PLXDC2: variants seen among roughly 807,000 people sequenced by gnomAD.
PLXDC2 encodes plexin domain containing 2.
PLXDC2 carries 40 observed loss-of-function variants against 68.9 expected under a neutral mutation model. That is an observed-to-expected ratio of 0.58 (90% CI 0.45 to 0.76). PLXDC2 has a LOEUF of 0.76. Among genes scored for constraint, PLXDC2 ranks in the 30% least tolerant of loss-of-function variants. PLXDC2 has a pLI of 0.00. For missense variants in PLXDC2, 644 were observed against 661.9 expected (o/e 0.97, Z 0.30); for synonymous variants, 243 against 234.2 (o/e 1.04, Z -0.34).
Position 20,280,302 on chromosome 10 carries a change from A to T in PLXDC2, c.*483A>T, listed in dbSNP as rs1265039109. The T allele has an allele frequency of 1.3e-5, 2 of 153,314 alleles. No homozygotes were observed. The highest frequency in any genetic ancestry group is 2.9e-5 in the Non-Finnish European group (2 of 68,594). 9.5% of individuals were successfully genotyped at this position (153,314 alleles called of 1,614,324 possible). A position where few individuals can be genotyped will look rare whatever the true frequency, so the allele number is the denominator to read the frequency against. The stretch of plus-strand genomic sequence containing the variant: ...ATGTCTCAAGATTGCTAAGAAAAAC[A>T]GCCCATGCAAGAGTGAGAACAAACA... On this transcript the variant is annotated 3_prime_UTR_variant, in exon 14 of 14. Coordinates refer to ENST00000377252, the MANE Select transcript of PLXDC2 (RefSeq NM_032812.9).
chr10:19,842,632 CAGA>C (rs1564606277), intron 1 of PLXDC2, among the ~76,000 whole-genome samples: 1 of 152,134 alleles, frequency 6.6e-6, no homozygotes, highest in East Asian at 1.9e-4. Flanking sequence ...ACTCATAGGC[CAGA>C]AGATTATCTG....
In PLXDC2 at chr10:20,279,832, A is replaced by G; in HGVS notation, c.*13A>G. 6.2e-7 allele frequency: 1 copy of G among 1,608,902 alleles called. No homozygotes were observed. ...AGAGCAGTGCTAAAATTTCTAGGAC[A>G]GAACAACACCAGTACTGGTTTACAG... On this transcript the variant is annotated 3_prime_UTR_variant, in exon 14 of 14. Coordinates refer to ENST00000377252, the MANE Select transcript of PLXDC2 (RefSeq NM_032812.9).
intron 9 of PLXDC2, among the ~76,000 whole-genome samples, chr10:20,190,045 G>A (rs1272832587): frequency 6.6e-6 from 1 of 151,740 alleles, no homozygotes; most frequent in Non-Finnish European, 1.5e-5. Flanking sequence ...TCCCATCTGA[G>A]TACCATTTGG....
intron 3 of PLXDC2, among the ~76,000 whole-genome samples, chr10:20,054,329 C>T (rs117382282): frequency 1.9e-3 from 288 of 151,946 alleles, no homozygotes; most frequent in Middle Eastern, 0.01. Context: ...TTGTCATTCC[C>T]GGGTAAGTTA....
At chr10:19,845,236 G>C (rs576700266) in intron 1 of PLXDC2, among the ~76,000 whole-genome samples, 1 of 152,262 alleles carries the variant, frequency 6.6e-6, no homozygotes, top group African/African-American at 2.4e-5. Context: ...CCACCAGTGT[G>C]CTCATAAATT....
chr10:19,821,490 C>T (rs554188833), intron 1 of PLXDC2, among the ~76,000 whole-genome samples: 1 of 152,338 alleles, frequency 6.6e-6, no homozygotes, highest in Admixed American at 6.5e-5. Flanking sequence ...ATTTCTACCT[C>T]TCTCTCATGT....
At chr10:20,024,784 C>T (rs950563364) in intron 2 of PLXDC2, among the ~76,000 whole-genome samples, 2 of 152,004 alleles carry the variant, frequency 1.3e-5, no homozygotes, top group Non-Finnish European at 1.5e-5. Flanking sequence ...GAATACCCAT[C>T]GTTCAGGTCC....
At chr10:20,156,573 C>T (rs79748463) in intron 6 of PLXDC2, among the ~76,000 whole-genome samples, 2,268 of 152,166 alleles carry the variant, frequency 0.015, 57 homozygotes, top group African/African-American at 0.051. Context: ...AAGTTTGAAA[C>T]CTCTTTTTTA....
Position 19,817,146 on chromosome 10 carries a change from G to C in PLXDC2, c.67G>C (p.Asp23His), listed in dbSNP as rs150292075. 2.8e-4 allele frequency: 436 copies of C among 1,576,614 alleles called. 2 individuals carry two copies. The Middle Eastern group carries it at 9.0e-3, about 32-fold the overall frequency. The part of the protein sequence containing the change: ...GVMLLCHFFT[D>H]QFQFADGKPG... ...TATGTTACTTTGCCACTTCTTCACG[G>C]ACCAGTTTCAGTTCGCCGATGGGAA... Residue 23 changes from aspartate to histidine, a missense_variant, in exon 1 of 14, where the codon GAC becomes CAC. Asp to His is a moderately conservative substitution (Grantham distance 81, BLOSUM62 -1). Coordinates refer to ENST00000377252, the MANE Select transcript of PLXDC2 (RefSeq NM_032812.9).
chr10:20,213,752 A>G (rs1425953064), intron 10 of PLXDC2, among the ~76,000 whole-genome samples: 2 of 152,064 alleles, frequency 1.3e-5, no homozygotes, highest in African/African-American at 4.8e-5. Flanking sequence ...GTACATGGGC[A>G]TTTTGTACAA....
intron 4 of PLXDC2, among the ~76,000 whole-genome samples, chr10:20,134,259 G>T (rs1450157256): frequency 6.6e-6 from 1 of 152,110 alleles, no homozygotes; most frequent in African/African-American, 2.4e-5. Context: ...TTATCTTGAT[G>T]CTATCATGTT....
At chr10:20,167,100 G>A (rs1164336545) in intron 7 of PLXDC2, among the ~76,000 whole-genome samples, 2 of 151,276 alleles carry the variant, frequency 1.3e-5, no homozygotes, top group African/African-American at 4.9e-5. Context: ...TAGCCAAGAA[G>A]GAATGAAAGA....
chr10:20,255,090 G>A (rs958269835), intron 13 of PLXDC2, among the ~76,000 whole-genome samples: 18 of 151,930 alleles, frequency 1.2e-4, no homozygotes, highest in Non-Finnish European at 2.1e-4. Context: ...CTAATTTGCT[G>A]TAATTTCTTT....
intron 1 of PLXDC2, among the ~76,000 whole-genome samples, chr10:19,928,789 C>G (rs1833581290): frequency 2.3e-5 from 3 of 132,658 alleles, no homozygotes; most frequent in Admixed American, 8.5e-5. Context: ...GAGACTTGCT[C>G]TGTTGCTCAG....
chr10:19,848,058 G>A (rs548657406), intron 1 of PLXDC2, among the ~76,000 whole-genome samples: 2 of 152,254 alleles, frequency 1.3e-5, no homozygotes, highest in African/African-American at 4.8e-5. Flanking sequence ...GGTGGCTCAT[G>A]CCTGTAATCC....
chr10:20,237,319 A>G (rs1835446488), intron 12 of PLXDC2, among the ~76,000 whole-genome samples: 1 of 152,230 alleles, frequency 6.6e-6, no homozygotes. Context: ...CAATACTGGA[A>G]TAATATTGAC....
At chr10:19,931,907 TAATG>T (rs1442988171) in intron 1 of PLXDC2, among the ~76,000 whole-genome samples, 2 of 152,180 alleles carry the variant, frequency 1.3e-5, no homozygotes, top group Admixed American at 6.5e-5. Context: ...GAAATATACT[TAATG>T]AAGTTGAATT....
intron 13 of PLXDC2, among the ~76,000 whole-genome samples, chr10:20,274,289 G>A (rs2778961): frequency 0.87 from 132,960 of 152,222 alleles, 58,540 homozygotes; most frequent in Middle Eastern, 0.95. Context: ...ATATTTATTC[G>A]GCCATTGGAG....
intron 9 of PLXDC2, among the ~76,000 whole-genome samples, chr10:20,194,115 G>A (rs2131841630): frequency 6.6e-6 from 1 of 151,082 alleles, no homozygotes; most frequent in East Asian, 2.0e-4. Context: ...TTATATTAAA[G>A]GCACTACTAA....
Sources: allele counts gnomAD v4.1 joint callset (sites outside exome capture counted in the v4.1 genomes callset), GRCh38; gene constraint gnomAD v4.1.1; transcripts MANE v1.5; gene names NCBI Gene and HGNC (gene_info 2026-07-23, HGNC 2026-07-21).